Variants in MUC4 observed in about 807,000 individuals in gnomAD.
The protein encoded by MUC4 is mucin-4.
MUC4 carries 202 observed loss-of-function variants against 257.9 expected under a neutral mutation model. The observed-to-expected ratio is 0.78, with a 90% CI of 0.70 to 0.88. MUC4 has a LOEUF of 0.88. Ranked by LOEUF, MUC4 falls within the 40% of genes least tolerant of loss-of-function variation. The pLI, the probability that MUC4 is intolerant of heterozygous loss-of-function variation, is 0.00. For missense variants in MUC4, 5,976 were observed against 6,513.7 expected (o/e 0.92, Z 2.84); for synonymous variants, 2,351 against 2,757.1 (o/e 0.85, Z 4.62).
rs991812390 is a variant in MUC4, at chr3:195,788,775, G to A, written c.2805C>T (p.Val935=). Residue 935 remains valine (V), a synonymous_variant, in exon 2 of 25, where the codon GTC becomes GTT. Transcript: ENST00000463781. ...ATGTGATCGATGGAGGTGTGGGTGG[G>A]ACTGTTGAGAAGGTGTCGGTTGCCT... ...ASQATDTFST[V]PPTPPSITST... 6.2e-7 allele frequency: 1 copy of A among 1,613,822 alleles called. No individual in the cohort carries two copies. Among genetic ancestry groups the A allele is most frequent in the Non-Finnish European group, 8.5e-7 (1 of 1,179,852 alleles).
chr3:195,757,260 C>A lies in MUC4; in HGVS notation c.15055G>T (p.Ala5019Ser). 1.2e-6 allele frequency: 2 copies of A among 1,613,500 alleles called. No homozygotes were observed. The highest frequency in any genetic ancestry group is 1.7e-6 in the Non-Finnish European group (2 of 1,179,408). The change falls in exon 18 of 25, where the codon GCC becomes TCC. Residue 5019 changes from alanine (A) to serine (S), a missense_variant. By Grantham distance (99) the Ala-to-Ser change is moderately conservative. Around this residue, in one of 44 missense-constraint regions of MUC4, gnomAD observed 996 missense variants for 1,137.3 expected, o/e 0.88. Coordinates refer to ENST00000463781, the MANE Select transcript of MUC4 (RefSeq NM_018406.7). This position sits in a 1 kb window ranked among gnomAD's most constrained non-coding sequence, Gnocchi z 4.8. ...AGTGCAGATGCCAAGCCAATCTTGG[C>A]ACTTCTTGCTAGAATCTCCAGAGTG... The part of the protein sequence containing the change: ...PFTLEILARS[A>S]KIGLASALQP...
In MUC4 at chr3:195,789,222, CTG is replaced by C. The variant is rs1317846433; in HGVS notation, c.2356_2357del (p.Gln786AspfsTer92). ...AESTEASGQT[Q>X]TSEPASSGSR... ...ACCCTGAGGAGGCCGGTTCGCTGGT[CTG>C]TGTTTGTCCAGAGGCCTCTGTGCTC... On this transcript the variant is annotated frameshift_variant, in exon 2 of 25. Coordinates refer to ENST00000463781, the MANE Select transcript of MUC4 (RefSeq NM_018406.7). LOFTEE classifies it high-confidence loss of function. The C allele has an allele frequency of 6.2e-7, 1 of 1,613,834 alleles. No individual in the cohort carries two copies. Among genetic ancestry groups the C allele is most frequent in the Non-Finnish European group, 8.5e-7 (1 of 1,179,856 alleles).
chr3:195,811,142 TTTA>T (rs1294668738), intron 1 of MUC4, among the ~76,000 whole-genome samples: 5 of 126,442 alleles, frequency 4.0e-5, no homozygotes, highest in African/African-American at 5.9e-5. Flanking sequence ...TTTATTTTAT[TTTA>T]TATTTATTTA....
intron 13 of MUC4, among the ~76,000 whole-genome samples, chr3:195,762,641 G>C (rs76926940): frequency 0.14 from 2,023 of 14,024 alleles, 194 homozygotes; most frequent in East Asian, 0.3. Flanking sequence ...GCCACGCACC[G>C]GGCCCTGCAC....
intron 1 of MUC4, among the ~76,000 whole-genome samples, chr3:195,807,000 T>G (rs919632737): frequency 6.6e-6 from 1 of 152,186 alleles, no homozygotes; most frequent in Non-Finnish European, 1.5e-5. Flanking sequence ...AGAGAGTCGA[T>G]GTCTGTCCTC....
chr3:195,787,959 G>C lies in MUC4; in HGVS notation c.3621C>G (p.Ser1207=). ...GGGTGGCGTGTCCTGTGGATGCTGA[G>C]GAAGTGTCGGTGACAAGAAGAGGGG... ...HATPLLVTDT[S]SASTGHATPL... is the part of the protein sequence containing the mutation. Residue 1207 remains serine (S), a synonymous_variant, in exon 2 of 25, where the codon TCC becomes TCG. Transcript: ENST00000463781. 8.2e-7 allele frequency: 1 copy of C among 1,223,196 alleles called. No homozygotes were observed. Among genetic ancestry groups the C allele is most frequent in the Non-Finnish European group, 1.1e-6 (1 of 912,546 alleles). The allele number at this position is 1,223,196 out of a possible 1,614,324, so 75.8% of individuals were successfully genotyped here.
Position 195,785,496 on chromosome 3 carries a change from A to T in MUC4, c.6084T>A (p.Gly2028=). The part of the protein sequence containing the change: ...PVTSLSSAST[G]DTTPLPVTDT... ...CGGTGACAGGAAGCGGCGTGGTGTCACCAGTGGATGCTGAGGAAAGGCTGG... is the reference window on the plus strand; with the variant it reads ...CGGTGACAGGAAGCGGCGTGGTGTCTCCAGTGGATGCTGAGGAAAGGCTGG... The change falls in exon 2 of 25, where the codon GGT becomes GGA. Residue 2028 remains glycine, a synonymous_variant. Coordinates refer to ENST00000463781, the MANE Select transcript of MUC4 (RefSeq NM_018406.7). 1 of 1,512,132 alleles carries T rather than the reference A, an allele frequency of 6.6e-7. No homozygotes were observed. Among genetic ancestry groups the T allele is most frequent in the Non-Finnish European group, 8.9e-7 (1 of 1,123,708 alleles). 93.7% of individuals were successfully genotyped at this position (1,512,132 alleles called of 1,614,324 possible). A position where few individuals can be genotyped will look rare whatever the true frequency, so the allele number is the denominator to read the frequency against.
At position 195,791,515 on chromosome 3, in the gene MUC4, A is replaced by G; in HGVS notation, c.83-18T>C. On this transcript the variant is annotated intron_variant, in intron 1 of 24. Coordinates refer to ENST00000463781, the MANE Select transcript of MUC4 (RefSeq NM_018406.7). ...TGTGGTTCCTGGAGTGAACCAAAATAGGCAAGCAGAGAGCTAAATCATGAA... is the reference window on the plus strand; with the variant it reads ...TGTGGTTCCTGGAGTGAACCAAAATGGGCAAGCAGAGAGCTAAATCATGAA... The G allele has an allele frequency of 6.6e-7, 1 of 1,520,946 alleles. No homozygotes were observed. Among genetic ancestry groups the G allele is most frequent in the South Asian group, 1.1e-5 (1 of 87,982 alleles). 94.2% of individuals were successfully genotyped at this position (1,520,946 alleles called of 1,614,324 possible). A position where few individuals can be genotyped will look rare whatever the true frequency, so the allele number is the denominator to read the frequency against.
Position 195,789,216 on chromosome 3 carries a change from G to A in MUC4, c.2364C>T (p.Ser788=), listed in dbSNP as rs151275652. 3.7e-4 allele frequency: 598 copies of A among 1,613,814 alleles called. 5 individuals are homozygous for A. In the East Asian group the frequency reaches 0.012, roughly 31 times the overall value. Reference sequence around the variant, plus strand: ...TTCGTGACCCTGAGGAGGCCGGTTCGCTGGTCTGTGTTTGTCCAGAGGCCT... The same window carrying A: ...TTCGTGACCCTGAGGAGGCCGGTTCACTGGTCTGTGTTTGTCCAGAGGCCT... ...STEASGQTQT[S]EPASSGSRTT... Residue 788 remains serine (S), a synonymous_variant, in exon 2 of 25, where the codon AGC becomes AGT. Coordinates refer to ENST00000463781, the MANE Select transcript of MUC4 (RefSeq NM_018406.7).
In MUC4 at chr3:195,757,411, C is replaced by A; in HGVS notation, c.14987-83G>T. ...GATTGCTGATACGGGGCTTCCCCCA[C>A]CCCTCTCAGGCCACCCTCCCCCTCC... On this transcript the variant is annotated intron_variant, in intron 17 of 24. Transcript: ENST00000463781. This position sits in a 1 kb window ranked among gnomAD's most constrained non-coding sequence, Gnocchi z 4.8. 9 of 1,331,824 alleles carry A rather than the reference C, an allele frequency of 6.8e-6. No homozygotes were observed. Among genetic ancestry groups the A allele is most frequent in the Non-Finnish European group, 9.3e-6 (9 of 969,230 alleles). 82.5% of individuals were successfully genotyped at this position (1,331,824 alleles called of 1,614,324 possible).
At chr3:195,767,891 A>ACCACCG (rs1721835739) in intron 7 of MUC4, among the ~76,000 whole-genome samples, 1 of 129,340 alleles carries the variant, frequency 7.7e-6, no homozygotes, top group Non-Finnish European at 1.7e-5. Flanking sequence ...CACCATCACC[A>ACCACCG]CCACCATCAC....
intron 1 of MUC4, among the ~76,000 whole-genome samples, chr3:195,805,002 T>A (rs1051783358): frequency 1.1e-4 from 17 of 152,110 alleles, no homozygotes; most frequent in African/African-American, 3.9e-4. Flanking sequence ...CCAGGCCCTG[T>A]GGCCTTTGTT....
chr3:195,808,630 G>A (rs953551889), intron 1 of MUC4, among the ~76,000 whole-genome samples: 11 of 152,236 alleles, frequency 7.2e-5, no homozygotes, highest in African/African-American at 1.9e-4. Context: ...GAGCCAAAAG[G>A]CGTTGCCTGT....
At position 195,747,333 on chromosome 3, in the gene MUC4, TG is replaced by T; in HGVS notation, c.16081del (p.His5361ThrfsTer2). The part of the protein sequence containing the change: ...IYTAWGEHCE[H>X]LSMKLDAFFG... ...GAACGCGTCGAGTTTCATGCTCAGG[TG>T]CTCACAGTGCTCGCCCCAGGCCGTG... On this transcript the variant is annotated frameshift_variant, in exon 25 of 25. Coordinates refer to ENST00000463781, the MANE Select transcript of MUC4 (RefSeq NM_018406.7). LOFTEE classifies it low-confidence loss of function (END_TRUNC). 6.2e-7 allele frequency: 1 copy of T among 1,614,050 alleles called. No homozygotes were observed. The highest frequency in any genetic ancestry group is 8.5e-7 in the Non-Finnish European group (1 of 1,179,906).
At position 195,762,080 on chromosome 3, in the gene MUC4, C is replaced by T; in HGVS notation, c.14512+7G>A. 1 of 1,583,588 alleles carries T rather than the reference C, an allele frequency of 6.3e-7. No homozygotes were observed. Among genetic ancestry groups the T allele is most frequent in the Non-Finnish European group, 8.5e-7 (1 of 1,169,656 alleles). ...GAGCCTCAGAGGCAGGTCCGAGCCG[C>T]CCTCACCCAGGAGCCCCTCCGTGCG... On this transcript the variant is annotated splice_region_variant and intron_variant, in intron 14 of 24. Coordinates refer to ENST00000463781, the MANE Select transcript of MUC4 (RefSeq NM_018406.7).
chr3:195,747,368 G>A lies in MUC4; in HGVS notation c.16047C>T (p.Phe5349=). The A allele has an allele frequency of 1.9e-6, 3 of 1,613,876 alleles. No individual in the cohort carries two copies. The highest frequency in any genetic ancestry group is 2.5e-6 in the Non-Finnish European group (3 of 1,179,790). ...PSGPRCSCVS[F]SIYTAWGEHC... ...GCTCGCCCCAGGCCGTGTAGATGGA[G>A]AAGGACACACAGCTGGTGACCAAGA... Residue 5349 remains phenylalanine, a synonymous_variant, in exon 25 of 25, where the codon TTC becomes TTT. Transcript: ENST00000463781.
Position 195,784,548 on chromosome 3 carries a change from TGAGG to T in MUC4, c.7028_7031del (p.Ser2343Ter), listed in dbSNP as rs1450167352. On this transcript the variant is annotated frameshift_variant, in exon 2 of 25. Transcript: ENST00000463781. LOFTEE classifies it high-confidence loss of function. Reference sequence around the variant, plus strand: ...GAGGGGTGGCGTGACCTGTGGATGCTGAGGAAGGGCTAGTGACAGGAAGAGGCGT... The same window carrying T: ...GAGGGGTGGCGTGACCTGTGGATGCTAAGGGCTAGTGACAGGAAGAGGCGT... 6.5e-7 allele frequency: 1 copy of T among 1,532,344 alleles called. No homozygotes were observed. The highest frequency in any genetic ancestry group is 2.5e-5 in the East Asian group (1 of 40,562). The allele number at this position is 1,532,344 out of a possible 1,614,324, so 94.9% of individuals were successfully genotyped here.
chr3:195,803,325 T>G (rs1462724445), intron 1 of MUC4, among the ~76,000 whole-genome samples: 1 of 152,230 alleles, frequency 6.6e-6, no homozygotes, highest in Non-Finnish European at 1.5e-5. Context: ...CTCTGAAAAT[T>G]AAAGCAGCTA....
Position 195,787,537 on chromosome 3 carries a change from G to A in MUC4, c.4043C>T (p.Thr1348Ile). 2.2e-6 allele frequency: 2 copies of A among 889,678 alleles called. 1 individual carries two copies. Among genetic ancestry groups the A allele is most frequent in the African/African-American group, 1.4e-4 (2 of 14,368 alleles). The allele number at this position is 889,678 out of a possible 1,614,324, so 55.1% of individuals were successfully genotyped here. ...ACCTGTGGATACTGAGGAAGCGTCGGTGACAGGAAGAGGGGTGGTGTCACC... is the reference window on the plus strand; with the variant it reads ...ACCTGTGGATACTGAGGAAGCGTCGATGACAGGAAGAGGGGTGGTGTCACC... ...STGDTTPLPV[T>I]DASSVSTGHT... is the part of the protein sequence containing the mutation. The change falls in exon 2 of 25, where the codon ACC becomes ATC. Residue 1348 changes from threonine (T) to isoleucine (I), a missense_variant. Coordinates refer to ENST00000463781, the MANE Select transcript of MUC4 (RefSeq NM_018406.7).
Sources: gnomAD v4.1 joint callset for allele counts (sites outside exome capture counted in the v4.1 genomes callset) on GRCh38, gnomAD v4.1.1 for gene constraint, gnomAD v4.1.1 regional missense constraint, Gnocchi (gnomAD v3.1) non-coding constraint, MANE v1.5 for transcripts, NCBI Gene and HGNC (gene_info 2026-07-23, HGNC 2026-07-21) for gene names.